Variants in NOX4 observed in about 807,000 individuals in gnomAD.
The protein encoded by NOX4 is kidney oxidase-1.
A neutral mutation model predicts 87.6 loss-of-function variants in NOX4; 69 were observed. That is an observed-to-expected ratio of 0.79 (90% CI 0.65 to 0.96). The LOEUF (loss-of-function observed/expected upper bound fraction) is 0.96. Among genes scored for constraint, NOX4 ranks in the 40% least tolerant of loss-of-function variants. The pLI, the probability that NOX4 is intolerant of heterozygous loss-of-function variation, is 0.00. For synonymous variants in NOX4, 275 were observed against 238.2 expected (o/e 1.15, Z -1.42); for missense variants, 680 against 681.5 (o/e 1.00, Z 0.02).
At chr11:89,387,702 C>T (rs1167043998) in intron 11 of NOX4, among the ~76,000 whole-genome samples, 2 of 152,106 alleles carry the variant, frequency 1.3e-5, no homozygotes, top group African/African-American at 4.8e-5. Flanking sequence ...TAATGTCTAC[C>T]TCAGCTAAAT....
At chr11:89,501,083 AT>A (rs899045489), upstream of NOX4, among the ~76,000 whole-genome samples, 25 of 151,876 alleles carry the variant, frequency 1.6e-4, no homozygotes, top group Non-Finnish European at 2.8e-4. Flanking sequence ...GGAGAACAGG[AT>A]TTTTTTTAAT....
Position 89,342,096 on chromosome 11 carries a change from C to T in NOX4, c.1315G>A (p.Ala439Thr). The T allele has an allele frequency of 6.2e-7, 1 of 1,613,124 alleles. No homozygotes were observed. Among genetic ancestry groups the T allele is most frequent in the South Asian group, 1.1e-5 (1 of 91,024 alleles). Residue 439 changes from alanine (A) to threonine (T), a missense_variant, in exon 14 of 18, where the codon GCA becomes ACA. Ala to Thr is a moderately conservative substitution (Grantham distance 58). Transcript: ENST00000263317. ...TACAACAGGGTGTTGAGTATTGATG[C>T]AAATGGAGTTACTCCAATGCCTCCA... ...VAGGIGVTPF[A>T]SILNTLLDDW...
chr11:89,475,747 G>C (rs971856169), intron 2 of NOX4, among the ~76,000 whole-genome samples: 1 of 151,996 alleles, frequency 6.6e-6, no homozygotes, highest in Non-Finnish European at 1.5e-5. Flanking sequence ...AGCAATCTAA[G>C]AAATAAGAGG....
chr11:89,503,865 T>G, the NOX4 span, among the ~76,000 whole-genome samples: 2 of 145,888 alleles, frequency 1.4e-5, no homozygotes, highest in Admixed American at 7.0e-5. Context: ...TTAGACATCA[T>G]ACTAGATCAA....
intron 2 of NOX4, among the ~76,000 whole-genome samples, chr11:89,460,233 T>C (rs2135412776): frequency 6.6e-6 from 1 of 152,282 alleles, no homozygotes; most frequent in East Asian, 1.9e-4. Flanking sequence ...GGCAATACCA[T>C]TCAGGACATA....
intron 6 of NOX4, among the ~76,000 whole-genome samples, chr11:89,438,846 T>TTA (rs1325913978): frequency 7.9e-5 from 2 of 25,394 alleles, no homozygotes; most frequent in Admixed American, 1.8e-3. Flanking sequence ...ATTATATATA[T>TTA]TATATAATAT....
At chr11:89,341,782 C>A (rs1432290102) in intron 14 of NOX4, among the ~76,000 whole-genome samples, 1 of 152,092 alleles carries the variant, frequency 6.6e-6, no homozygotes, top group East Asian at 1.9e-4. Flanking sequence ...GAACCACTTA[C>A]CGCTGATGAG....
intron 9 of NOX4, 95 bp from the exon 10 acceptor site, chr11:89,400,474 G>A (rs2135179689): frequency 6.9e-6 from 5 of 729,890 alleles, no homozygotes; most frequent in Non-Finnish European, 6.0e-6. Context: ...TACAGTAATA[G>A]TATTTTAATT....
At chr11:89,430,792 T>C (rs377752044) in intron 7 of NOX4, among the ~76,000 whole-genome samples, 30 of 152,180 alleles carry the variant, frequency 2.0e-4, no homozygotes, top group East Asian at 3.8e-4. Context: ...AGGTAATTTA[T>C]AGATTCAGTT....
rs139525798 is a variant in NOX4 at position 89,435,506 on chromosome 11, C to G, written c.476-2650G>C. On this transcript the variant is annotated intron_variant, in intron 6 of 17. Transcript: ENST00000263317. The stretch of plus-strand genomic sequence containing the variant: ...TTTCTATTACTAAAAATACTATAAC[C>G]ATTCCTTAAAAAGTCACAGGGTACA... 2.6e-5 allele frequency among the ~76,000 whole-genome samples: 4 copies of G among 152,030 alleles called. No homozygotes were observed. In the East Asian group the frequency reaches 7.7e-4, roughly 29 times the overall value.
intron 7 of NOX4, among the ~76,000 whole-genome samples, chr11:89,422,692 C>A (rs1290168273): frequency 6.6e-6 from 1 of 152,080 alleles, no homozygotes; most frequent in South Asian, 2.1e-4. Flanking sequence ...TTAGAGAAAC[C>A]CTTACTTAAG....
chr11:89,543,847 T>C, the NOX4 span, among the ~76,000 whole-genome samples: 2 of 152,034 alleles, frequency 1.3e-5, no homozygotes, highest in Admixed American at 6.6e-5. Flanking sequence ...CTGAATTTGA[T>C]AGATCAAGAA....
At chr11:89,587,908 A>G in the NOX4 span, among the ~76,000 whole-genome samples, 1 of 152,176 alleles carries the variant, frequency 6.6e-6, no homozygotes, top group East Asian at 1.9e-4. Context: ...GATATTTGAC[A>G]ATAAAATACA....
At chr11:89,392,636 A>G (rs1236960139) in intron 11 of NOX4, among the ~76,000 whole-genome samples, 1 of 152,176 alleles carries the variant, frequency 6.6e-6, no homozygotes. Flanking sequence ...TGAACGTGTT[A>G]GAGTTTTATA....
chr11:89,568,072 G>T, the NOX4 span, among the ~76,000 whole-genome samples: 1 of 152,274 alleles, frequency 6.6e-6, no homozygotes, highest in East Asian at 1.9e-4. Flanking sequence ...CGGGGACAGA[G>T]AACGAAGTTA....
At chr11:89,373,277 C>CAAAAAAAAAAAAAAAAAA (rs144113376) in intron 12 of NOX4, among the ~76,000 whole-genome samples, 155 bp downstream of exon 12, 8 of 59,094 alleles carry the variant, frequency 1.4e-4, no homozygotes, top group African/African-American at 1.6e-4. Context: ...ACTGTACAAG[C>CAAAAAAAAAAAAAAAAAA]AAAAAAAAAA....
intron 12 of NOX4, among the ~76,000 whole-genome samples, chr11:89,368,182 T>C (rs538508722): frequency 2.0e-5 from 3 of 152,152 alleles, no homozygotes; most frequent in African/African-American, 7.2e-5. Context: ...TTATATCTTC[T>C]TCGTCCTTAT....
At chr11:89,460,518 A>C (rs971979832) in intron 2 of NOX4, among the ~76,000 whole-genome samples, 9 of 152,248 alleles carry the variant, frequency 5.9e-5, no homozygotes, top group Non-Finnish European at 1.2e-4. Flanking sequence ...GACACTTCTC[A>C]AAAGAAGACA....
the NOX4 span, among the ~76,000 whole-genome samples, chr11:89,543,728 T>C: frequency 7.2e-5 from 11 of 152,246 alleles, no homozygotes; most frequent in African/African-American, 2.4e-4. Flanking sequence ...AGTATGAGGA[T>C]GACAGATAGT....
Sources: gnomAD v4.1 joint callset for allele counts (sites outside exome capture counted in the v4.1 genomes callset) on GRCh38, gnomAD v4.1.1 for gene constraint, MANE v1.5 for transcripts, NCBI Gene and HGNC (gene_info 2026-07-23, HGNC 2026-07-21) for gene names.